Variants in RPTOR observed in about 807,000 individuals in gnomAD.
RPTOR encodes regulatory associated protein of MTOR complex 1.
RPTOR carries 21 observed loss-of-function variants against 169.9 expected under a neutral mutation model. That is an observed-to-expected ratio of 0.12 (90% CI 0.09 to 0.18). The LOEUF (loss-of-function observed/expected upper bound fraction) is 0.18. Among genes scored for constraint, RPTOR ranks in the 10% least tolerant of loss-of-function variants. RPTOR has a pLI of 1.00. For synonymous variants in RPTOR, 732 were observed against 753.2 expected, an observed-to-expected ratio of 0.97 and a Z score of 0.46; for missense variants, 1,133 against 1,855.9, an observed-to-expected ratio of 0.61 and a Z score of 7.16.
chr17:80,703,059 G>A (rs1182293477), intron 3 of RPTOR, among the ~76,000 whole-genome samples: 1 of 152,202 alleles, frequency 6.6e-6, no homozygotes, highest in East Asian at 1.9e-4. Flanking sequence ...GTGCTCCAGG[G>A]AGACAGATGT....
intron 2 of RPTOR, among the ~76,000 whole-genome samples, chr17:80,635,731 G>C (rs1323008890): frequency 6.6e-6 from 1 of 152,180 alleles, no homozygotes; most frequent in African/African-American, 2.4e-5. Context: ...TTCTGGATGA[G>C]TGCGTGGAGG....
chr17:80,722,265 C>G lies in RPTOR; in HGVS notation c.508-8295C>G, dbSNP rs2066293043. On this transcript the variant is annotated intron_variant, in intron 4 of 33. Transcript: ENST00000306801. ...TCTCAAATTTTTGAATTTGAGGTGT[C>G]ACAGGCAATCAAATGAAAATAACCA... is the stretch of plus-strand genomic sequence containing the variant. 1.3e-5 allele frequency among the ~76,000 whole-genome samples: 2 copies of G among 151,000 alleles called. 1 individual carries two copies. The highest frequency in any genetic ancestry group is 5.0e-5 in the African/African-American group (2 of 40,388).
intron 13 of RPTOR, among the ~76,000 whole-genome samples, chr17:80,872,075 A>G (rs1308917180): frequency 6.6e-6 from 1 of 152,196 alleles, no homozygotes; most frequent in East Asian, 1.9e-4. Context: ...AGAGGTTGTG[A>G]TATGCAGAAA....
chr17:80,661,372 C>T (rs773803708), intron 3 of RPTOR, among the ~76,000 whole-genome samples: 1 of 152,124 alleles, frequency 6.6e-6, no homozygotes, highest in Non-Finnish European at 1.5e-5. Context: ...AGGTGGAGGC[C>T]GCTGACGCCA....
chr17:80,595,181 T>A (rs969337477), intron 1 of RPTOR, among the ~76,000 whole-genome samples: 3 of 152,224 alleles, frequency 2.0e-5, no homozygotes, highest in Non-Finnish European at 4.4e-5. Context: ...GTTGACCTTA[T>A]TAAGTGGGTT....
intron 20 of RPTOR, among the ~76,000 whole-genome samples, chr17:80,903,343 AACT>A (rs60060800): frequency 0.023 from 3,448 of 152,298 alleles, 141 homozygotes; most frequent in African/African-American, 0.079. Context: ...TGGGAGCCAG[AACT>A]ACTGCCTTTG....
chr17:80,846,647 G>T, intron 11 of RPTOR, 73 bp downstream of exon 11: 1 of 1,280,636 alleles, frequency 7.8e-7, no homozygotes, highest in Admixed American at 1.8e-5. Flanking sequence ...ACAGCCCCGG[G>T]AGTGCCTTCT....
chr17:80,955,655 A>T lies in RPTOR; in HGVS notation c.3371-1969A>T, dbSNP rs570303504. Reference sequence around the variant, plus strand: ...ATCTACGAGTTACAGAATATATATAAAAATATGTGCAACTGTCTGTCGTGA... The same window carrying T: ...ATCTACGAGTTACAGAATATATATATAAATATGTGCAACTGTCTGTCGTGA... On this transcript the variant is annotated intron_variant, in intron 28 of 33. Coordinates refer to ENST00000306801, the MANE Select transcript of RPTOR (RefSeq NM_020761.3). Among the ~76,000 whole-genome samples, 6 of 152,346 alleles carry T rather than the reference A, an allele frequency of 3.9e-5. No homozygotes were observed. The South Asian group carries it at 8.3e-4, about 21-fold the overall frequency.
chr17:80,597,622 C>T (rs1211515127), intron 1 of RPTOR, among the ~76,000 whole-genome samples: 5 of 152,044 alleles, frequency 3.3e-5, no homozygotes, highest in African/African-American at 4.8e-5. Flanking sequence ...TGGCTCCTGG[C>T]TCCTCAGCTA....
rs765818472 is a variant in RPTOR, at chr17:80,723,217, A to C, written c.508-7343A>C. The stretch of plus-strand genomic sequence containing the variant: ...CCAATGTGAAGTTGTTATTTTCTTT[A>C]TAATTCATAAGCATTTGAAGGAGAT... On this transcript the variant is annotated intron_variant, in intron 4 of 33. Transcript: ENST00000306801. Among the ~76,000 whole-genome samples, 8 of 132,092 alleles carry C rather than the reference A, an allele frequency of 6.1e-5. 1 individual carries two copies. Among genetic ancestry groups the C allele is most frequent in the African/African-American group, 2.4e-4 (8 of 33,642 alleles). The allele number at this position is 132,092 out of a possible 152,430, so 86.7% of individuals were successfully genotyped here. A position where few individuals can be genotyped will look rare whatever the true frequency, so the allele number is the denominator to read the frequency against.
chr17:80,642,143 G>C (rs2065559055), intron 2 of RPTOR, among the ~76,000 whole-genome samples: 1 of 151,008 alleles, frequency 6.6e-6, no homozygotes, highest in South Asian at 2.1e-4. Flanking sequence ...TGTTGTTGTT[G>C]TTGTTGTCTT....
intron 11 of RPTOR, among the ~76,000 whole-genome samples, chr17:80,854,347 G>T (rs1488757206): frequency 6.6e-6 from 1 of 152,196 alleles, no homozygotes; most frequent in East Asian, 1.9e-4. Flanking sequence ...ATAAATCAAG[G>T]CTCAGCGACG....
At chr17:80,575,316 A>G (rs370684499) in intron 1 of RPTOR, among the ~76,000 whole-genome samples, 1 of 152,228 alleles carries the variant, frequency 6.6e-6, no homozygotes, top group Non-Finnish European at 1.5e-5. Context: ...ATTTTTGTTC[A>G]GTTCAAATTA....
intron 17 of RPTOR, among the ~76,000 whole-genome samples, chr17:80,888,195 A>G (rs1052268715): frequency 1.3e-5 from 2 of 152,114 alleles, no homozygotes; most frequent in African/African-American, 4.8e-5. Context: ...GCTCACTGCA[A>G]CCTCTGCCTC....
At chr17:80,760,307 CTT>C (rs71164001) in intron 6 of RPTOR, among the ~76,000 whole-genome samples, 1 of 116,500 alleles carries the variant, frequency 8.6e-6, no homozygotes, top group Non-Finnish European at 1.6e-5. Context: ...TTTCTTTTTT[CTT>C]TTTTTTTTTT....
At chr17:80,743,084 C>A (rs1182898538) in intron 5 of RPTOR, among the ~76,000 whole-genome samples, 4 of 152,130 alleles carry the variant, frequency 2.6e-5, no homozygotes, top group African/African-American at 9.7e-5. Flanking sequence ...ATTGTCTTTG[C>A]GCACTGGGAA....
In RPTOR at chr17:80,753,815, C is replaced by T. The variant is rs574162027; in HGVS notation, c.655-195C>T. Among the ~76,000 whole-genome samples, 9 of 152,098 alleles carry T rather than the reference C, an allele frequency of 5.9e-5. No homozygotes were observed. The South Asian group carries it at 1.2e-3, about 21-fold the overall frequency. ...CATCAGAAGGGCCTTGGGAATGAGA[C>T]GGCCAGGTTTCCAGGCTTACAGTCT... is the stretch of plus-strand genomic sequence containing the variant. On this transcript the variant is annotated intron_variant, in intron 5 of 33. Coordinates refer to ENST00000306801, the MANE Select transcript of RPTOR (RefSeq NM_020761.3).
chr17:80,609,130 G>C lies in RPTOR; in HGVS notation c.163-16561G>C, dbSNP rs1184504220. On this transcript the variant is annotated intron_variant, in intron 1 of 33. Coordinates refer to ENST00000306801, the MANE Select transcript of RPTOR (RefSeq NM_020761.3). The surrounding 1 kb of genome is among the most constrained non-coding windows in gnomAD (Gnocchi z 4.8). ...GAGCACAGCGCGACCCGTGTGGAGA[G>C]GGCATCACTAGCCTGCCTCGGGCTG... Among the ~76,000 whole-genome samples the C allele has an allele frequency of 6.6e-6, 1 of 152,168 alleles. No individual in the cohort carries two copies. Among genetic ancestry groups the C allele is most frequent in the African/African-American group, 2.4e-5 (1 of 41,446 alleles).
At chr17:80,916,518 C>T (rs780610299) in intron 21 of RPTOR, among the ~76,000 whole-genome samples, 6 of 152,234 alleles carry the variant, frequency 3.9e-5, no homozygotes, top group African/African-American at 1.2e-4. Context: ...GTGTGAGATG[C>T]GGGCCAGCAG....
Sources: gnomAD v4.1 joint callset for allele counts (sites outside exome capture counted in the v4.1 genomes callset) on GRCh38, gnomAD v4.1.1 for gene constraint, Gnocchi (gnomAD v3.1) non-coding constraint, MANE v1.5 for transcripts, NCBI Gene and HGNC (gene_info 2026-07-23, HGNC 2026-07-21) for gene names.